Variants in CTDSPL observed in about 807,000 individuals in gnomAD.
The protein encoded by CTDSPL is CTD small phosphatase-like protein.
In CTDSPL, 8 loss-of-function variants were observed where a neutral mutation model predicts 30.5. The observed-to-expected ratio is 0.26, with a 90% CI of 0.15 to 0.47. CTDSPL has a LOEUF of 0.47. Among genes scored for constraint, CTDSPL ranks in the 20% least tolerant of loss-of-function variants. CTDSPL has a pLI of 0.99. For missense variants in CTDSPL, 248 were observed against 366.1 expected, an observed-to-expected ratio of 0.68 and a Z score of 2.63; for synonymous variants, 110 against 137.9, an observed-to-expected ratio of 0.80 and a Z score of 1.42.
At chr3:37,871,824 G>A (rs1039547797) in intron 1 of CTDSPL, among the ~76,000 whole-genome samples, 3 of 152,036 alleles carry the variant, frequency 2.0e-5, no homozygotes, top group African/African-American at 7.2e-5. Context: ...TCTCCCCTAT[G>A]TTGTTCAGTT....
At chr3:37,945,843 T>G (rs796377635) in intron 1 of CTDSPL, among the ~76,000 whole-genome samples, 3 of 152,346 alleles carry the variant, frequency 2.0e-5, no homozygotes, top group African/African-American at 7.2e-5. Flanking sequence ...TTTCAGAATT[T>G]CCATCTGAAT....
At chr3:37,968,587 T>C (rs1482843166) in intron 5 of CTDSPL, among the ~76,000 whole-genome samples, 1 of 152,254 alleles carries the variant, frequency 6.6e-6, no homozygotes, top group African/African-American at 2.4e-5. Flanking sequence ...AGGGATGATC[T>C]AACCATCTTC....
intron 1 of CTDSPL, among the ~76,000 whole-genome samples, chr3:37,878,794 G>A (rs1698167456): frequency 6.6e-6 from 1 of 152,166 alleles, no homozygotes; most frequent in African/African-American, 2.4e-5. Context: ...AATTGGGGCT[G>A]AGAATTTCTT....
rs569714583 is a variant in CTDSPL, at chr3:37,898,547, G to A, written c.79+36269G>A. On this transcript the variant is annotated intron_variant, in intron 1 of 7. Transcript: ENST00000273179. Reference sequence around the variant, plus strand: ...GTGCCATCTATTGAGTGCTTACTACGAGCCCCGTGCCAAGAGCTTTACACA... The same window carrying A: ...GTGCCATCTATTGAGTGCTTACTACAAGCCCCGTGCCAAGAGCTTTACACA... Among the ~76,000 whole-genome samples the A allele has an allele frequency of 3.9e-5, 6 of 152,204 alleles. No individual in the cohort carries two copies. In the South Asian group the frequency reaches 6.2e-4, roughly 16 times the overall value.
At chr3:37,905,296 A>G (rs940599429) in intron 1 of CTDSPL, among the ~76,000 whole-genome samples, 1 of 152,262 alleles carries the variant, frequency 6.6e-6, no homozygotes, top group African/African-American at 2.4e-5. Context: ...TTTATAGAAT[A>G]TATAAAGGAA....
intron 1 of CTDSPL, among the ~76,000 whole-genome samples, chr3:37,896,477 A>C (rs980408855): frequency 2.6e-5 from 4 of 152,220 alleles, no homozygotes; most frequent in African/African-American, 9.6e-5. Context: ...ATAGATAGGT[A>C]GGAGACATCA....
At chr3:37,916,345 T>A (rs1698646565) in intron 1 of CTDSPL, among the ~76,000 whole-genome samples, 1 of 152,218 alleles carries the variant, frequency 6.6e-6, no homozygotes, top group African/African-American at 2.4e-5. Context: ...TTTATTCTCA[T>A]GGTACTTGTT....
chr3:37,887,593 TC>T (rs1698277001), intron 1 of CTDSPL, among the ~76,000 whole-genome samples: 2 of 152,152 alleles, frequency 1.3e-5, no homozygotes, highest in African/African-American at 4.8e-5. Flanking sequence ...AATTCCTAGC[TC>T]CCAGGATGGT....
At chr3:37,941,407 C>A (rs1468971728) in intron 1 of CTDSPL, among the ~76,000 whole-genome samples, 1 of 149,084 alleles carries the variant, frequency 6.7e-6, no homozygotes, top group Non-Finnish European at 1.5e-5. Context: ...TGCTTTCTTT[C>A]TATCTTTTTT....
intron 3 of CTDSPL, among the ~76,000 whole-genome samples, chr3:37,960,003 C>T (rs1559644869): frequency 6.6e-6 from 1 of 152,084 alleles, no homozygotes; most frequent in Non-Finnish European, 1.5e-5. Context: ...CAGAAGTTCG[C>T]GACCAGCCTG....
intron 1 of CTDSPL, among the ~76,000 whole-genome samples, chr3:37,910,205 C>T (rs1041176236): frequency 6.6e-6 from 1 of 152,280 alleles, no homozygotes; most frequent in East Asian, 1.9e-4. Context: ...TTTGGCCTGG[C>T]GCAGTGGCTT....
chr3:37,952,687 T>C (rs978999131), intron 2 of CTDSPL, among the ~76,000 whole-genome samples: 7 of 152,246 alleles, frequency 4.6e-5, no homozygotes, highest in Admixed American at 6.5e-5. Context: ...GTCAAACCAA[T>C]TGGGTATAGC....
chr3:37,930,106 C>CAA (rs780743501), intron 1 of CTDSPL, among the ~76,000 whole-genome samples: 5 of 103,308 alleles, frequency 4.8e-5, no homozygotes, highest in African/African-American at 1.3e-4. Flanking sequence ...GACTCCGTCT[C>CAA]AAAAAAAAAG....
At position 37,976,630 on chromosome 3, in the gene CTDSPL, C is replaced by CA. The variant is rs1195626616; in HGVS notation, c.705+752dup. ...CTGGCGACAGATGGAGACTCCGTCT[C>CA]AAAAAAAAAAAAAAAATGAATAAAA... On this transcript the variant is annotated intron_variant, in intron 7 of 7. Transcript: ENST00000273179. Among the ~76,000 whole-genome samples the CA allele has an allele frequency of 6.8e-3, 604 of 88,952 alleles. 1 individual carries two copies. The highest frequency in any genetic ancestry group is 0.013 in the African/African-American group (302 of 23,950). The allele number at this position is 88,952 out of a possible 152,430, so 58.4% of individuals were successfully genotyped here. A position where few individuals can be genotyped will look rare whatever the true frequency, so the allele number is the denominator to read the frequency against.
chr3:37,959,015 CAG>C (rs1353248090), intron 3 of CTDSPL, among the ~76,000 whole-genome samples: 1 of 152,206 alleles, frequency 6.6e-6, no homozygotes, highest in Non-Finnish European at 1.5e-5. Context: ...TTCTGGACCT[CAG>C]GGGGACCTGG....
At chr3:37,942,283 C>A (rs375083810) in intron 1 of CTDSPL, among the ~76,000 whole-genome samples, 1 of 150,446 alleles carries the variant, frequency 6.6e-6, no homozygotes, top group Non-Finnish European at 1.5e-5. Context: ...TTTGATCCAG[C>A]GTTCCTGGAG....
At chr3:37,903,664 G>A (rs1455549373) in intron 1 of CTDSPL, among the ~76,000 whole-genome samples, 3 of 152,234 alleles carry the variant, frequency 2.0e-5, no homozygotes, top group Admixed American at 6.5e-5. Context: ...AGGATGTACC[G>A]CACCTGCCAC....
intron 1 of CTDSPL, among the ~76,000 whole-genome samples, chr3:37,883,034 A>G (rs114789774): frequency 0.011 from 1,604 of 152,364 alleles, 34 homozygotes; most frequent in South Asian, 0.078. Context: ...TGTCATCAAA[A>G]GAATGATTTG....
intron 4 of CTDSPL, among the ~76,000 whole-genome samples, chr3:37,967,439 C>T (rs1010102099): frequency 6.6e-6 from 1 of 152,208 alleles, no homozygotes; most frequent in African/African-American, 2.4e-5. Context: ...TTCCCTCAAG[C>T]AGCACTGTCC....
Sources: gnomAD v4.1 joint callset for allele counts (sites outside exome capture counted in the v4.1 genomes callset) on GRCh38, gnomAD v4.1.1 for gene constraint, MANE v1.5 for transcripts, NCBI Gene and HGNC (gene_info 2026-07-23, HGNC 2026-07-21) for gene names.